The following OXSR1 variants were observed in gnomAD, a reference collection of about 807,000 sequenced individuals.
The protein encoded by OXSR1 is serine/threonine-protein kinase OSR1.
Under a neutral mutation model 79.8 loss-of-function variants are expected in OXSR1, and 24 were observed. The observed-to-expected ratio is 0.30, with a 90% CI of 0.22 to 0.42. The LOEUF (loss-of-function observed/expected upper bound fraction) is 0.42. Among genes scored for constraint, OXSR1 ranks in the 10% least tolerant of loss-of-function variants. The pLI, the probability that OXSR1 is intolerant of heterozygous loss-of-function variation, is 1.00. For synonymous variants in OXSR1, 226 were observed against 209.2 expected (o/e 1.08, Z -0.69); for missense variants, 430 against 618.4 (o/e 0.70, Z 3.23).
At position 38,221,652 on chromosome 3, in the gene OXSR1, AC is replaced by A. The variant is rs760873558; in HGVS notation, c.569del (p.Pro190LeufsTer44). On this transcript the variant is annotated frameshift_variant, in exon 6 of 18. Transcript: ENST00000311806. LOFTEE classifies it high-confidence loss of function. ...RNKVRKTFVGTPCWMAPEVME... is the reference protein window; with the variant it reads ...RNKVRKTFVGXPCWMAPEVME... ...TAAAGTGAGAAAGACCTTTGTTGGC[AC>A]CCCTTGTTGGATGGCACCTGAAGTT... 1 of 1,612,512 alleles carries A rather than the reference AC, an allele frequency of 6.2e-7. No individual in the cohort carries two copies. Among genetic ancestry groups the A allele is most frequent in the Non-Finnish European group, 8.5e-7 (1 of 1,178,850 alleles).
At chr3:38,192,105 G>A (rs1174036423) in intron 3 of OXSR1, among the ~76,000 whole-genome samples, 1 of 151,946 alleles carries the variant, frequency 6.6e-6, no homozygotes, top group Non-Finnish European at 1.5e-5. Context: ...AGTTGGGTAG[G>A]GCCTTCACTT....
At chr3:38,169,015 C>T (rs993471790) in intron 1 of OXSR1, among the ~76,000 whole-genome samples, 3 of 152,226 alleles carry the variant, frequency 2.0e-5, no homozygotes, top group Non-Finnish European at 4.4e-5. Context: ...ACAAATTCAA[C>T]TGTTTAAGAA....
intron 1 of OXSR1, among the ~76,000 whole-genome samples, chr3:38,169,609 GT>G (rs1007606807): frequency 5.7e-5 from 8 of 140,912 alleles, no homozygotes; most frequent in South Asian, 2.3e-4. Flanking sequence ...CTGGCTGTTC[GT>G]TTTTTTTTTG....
intron 5 of OXSR1, among the ~76,000 whole-genome samples, chr3:38,219,804 GA>G (rs1702553412): frequency 2.6e-5 from 4 of 151,662 alleles, no homozygotes; most frequent in African/African-American, 7.3e-5. Context: ...TGATGATGAT[GA>G]TGATGATGAT....
At position 38,211,215 on chromosome 3, in the gene OXSR1, C is replaced by T. The variant is rs1575340655; in HGVS notation, c.435-4881C>T. On this transcript the variant is annotated intron_variant, in intron 4 of 17. Transcript: ENST00000311806. ...ACCTCACTTGGGCATTCTGTCTGGT[C>T]CTTCATATCAGCTAACCTGCAAATC... Among the ~76,000 whole-genome samples, 3 of 152,252 alleles carry T rather than the reference C, an allele frequency of 2.0e-5. No individual in the cohort carries two copies. In the East Asian group the frequency reaches 5.8e-4, roughly 29 times the overall value.
At chr3:38,184,334 A>G (rs1701839795) in intron 2 of OXSR1, among the ~76,000 whole-genome samples, 1 of 152,206 alleles carries the variant, frequency 6.6e-6, no homozygotes, top group Non-Finnish European at 1.5e-5. Context: ...ATCTTGAGCC[A>G]TCTTTGGTGA....
At chr3:38,203,413 CT>C (rs1702204887) in intron 4 of OXSR1, among the ~76,000 whole-genome samples, 1 of 152,144 alleles carries the variant, frequency 6.6e-6, no homozygotes, top group Admixed American at 6.5e-5. Flanking sequence ...TTCTCTTTAT[CT>C]CTTTGTCTTG....
chr3:38,239,983 A>G (rs568622743), intron 11 of OXSR1, among the ~76,000 whole-genome samples: 8 of 152,202 alleles, frequency 5.3e-5, no homozygotes, highest in Admixed American at 3.9e-4. Flanking sequence ...TTTGCTTCAT[A>G]TATTTTGTCT....
At chr3:38,232,157 G>T (rs538139613) in intron 10 of OXSR1, among the ~76,000 whole-genome samples, 2 of 152,052 alleles carry the variant, frequency 1.3e-5, no homozygotes, top group African/African-American at 4.8e-5. Flanking sequence ...GGTGACTCAC[G>T]CTTGTAATCC....
In OXSR1 at chr3:38,183,130, T is replaced by C. The variant is rs748446717; in HGVS notation, c.183+15T>C. 1.2e-5 allele frequency: 17 copies of C among 1,370,744 alleles called. No individual in the cohort carries two copies. The Admixed American group carries it at 2.6e-4, about 21-fold the overall frequency. The allele number at this position is 1,370,744 out of a possible 1,614,324, so 84.9% of individuals were successfully genotyped here. On this transcript the variant is annotated intron_variant, in intron 2 of 17. Coordinates refer to ENST00000311806, the MANE Select transcript of OXSR1 (RefSeq NM_005109.3). ...ATGAACTCCTGGTATGCACATCTTATACTTCTGAAATGGAGAGATATACTC... is the reference window on the plus strand; with the variant it reads ...ATGAACTCCTGGTATGCACATCTTACACTTCTGAAATGGAGAGATATACTC...
Position 38,252,521 on chromosome 3 carries a change from C to T in OXSR1, c.1509+129C>T, listed in dbSNP as rs141815924. On this transcript the variant is annotated intron_variant, in intron 17 of 17. Transcript: ENST00000311806. The stretch of plus-strand genomic sequence containing the variant: ...GGTGGATTGTGTTCATTTAGCCTCC[C>T]CAGTGCCCTGGGCTGATGTTTCCCT... 280 of 760,494 alleles carry T rather than the reference C, an allele frequency of 3.7e-4. No homozygotes were observed. The African/African-American group carries it at 4.3e-3, about 12-fold the overall frequency. The allele number at this position is 760,494 out of a possible 1,614,324, so 47.1% of individuals were successfully genotyped here.
At position 38,165,933 on chromosome 3, in the gene OXSR1, G is replaced by A; in HGVS notation, c.57G>A (p.Leu19=). The A allele has an allele frequency of 6.2e-7, 1 of 1,611,542 alleles. No homozygotes were observed. Among genetic ancestry groups the A allele is most frequent in the South Asian group, 1.1e-5 (1 of 90,912 alleles). The part of the protein sequence containing the change: ...PWSINRDDYE[L]QEVIGSGATA... ...CCATCAACAGGGACGATTACGAGCT[G>A]CAGGAGGTGATCGGTGAGAGCAGGC... The change falls in exon 1 of 18, where the codon CTG becomes CTA. Residue 19 remains leucine, a synonymous_variant. Transcript: ENST00000311806.
intron 1 of OXSR1, among the ~76,000 whole-genome samples, chr3:38,168,405 G>T (rs13318848): frequency 0.052 from 7,919 of 151,974 alleles, 305 homozygotes; most frequent in Non-Finnish European, 0.075. Context: ...TTGTCTCTAT[G>T]GACTTGCCTT....
At chr3:38,207,951 CCTTCCTTCCTTT>C (rs1192306171) in intron 4 of OXSR1, among the ~76,000 whole-genome samples, 32 of 135,486 alleles carry the variant, frequency 2.4e-4, no homozygotes, top group Admixed American at 4.1e-4. Context: ...TTCCTTCCTT[CCTTCCTTCCTTT>C]CTTCCTTCCA....
At chr3:38,208,248 G>A (rs1008839748) in intron 4 of OXSR1, among the ~76,000 whole-genome samples, 2 of 152,032 alleles carry the variant, frequency 1.3e-5, no homozygotes, top group South Asian at 4.2e-4. Context: ...CCAGGTATAG[G>A]AACAATTGAT....
At chr3:38,178,978 C>T (rs1701729971) in intron 1 of OXSR1, among the ~76,000 whole-genome samples, 1 of 151,396 alleles carries the variant, frequency 6.6e-6, no homozygotes, top group Admixed American at 6.6e-5. Flanking sequence ...ATCCTCCCCA[C>T]CTCAGGCTCT....
intron 3 of OXSR1, among the ~76,000 whole-genome samples, 186 bp downstream of exon 3, chr3:38,191,025 T>C (rs936793686): frequency 4.6e-5 from 7 of 152,256 alleles, no homozygotes; most frequent in African/African-American, 9.6e-5. Context: ...TTTGATTCAT[T>C]TTGTTGTCAT....
intron 4 of OXSR1, among the ~76,000 whole-genome samples, chr3:38,215,807 T>C (rs922783540): frequency 2.6e-5 from 4 of 152,154 alleles, no homozygotes; most frequent in African/African-American, 9.7e-5. Flanking sequence ...TTTCAAAATG[T>C]AGAATTAGGT....
At chr3:38,201,659 G>A (rs1277512468) in intron 4 of OXSR1, among the ~76,000 whole-genome samples, 1 of 152,014 alleles carries the variant, frequency 6.6e-6, no homozygotes, top group East Asian at 1.9e-4. Context: ...GTGGTGAGCC[G>A]AGATTGCGCC....
Sources: gnomAD v4.1 joint callset for allele counts (sites outside exome capture counted in the v4.1 genomes callset) on GRCh38, gnomAD v4.1.1 for gene constraint, MANE v1.5 for transcripts, NCBI Gene and HGNC (gene_info 2026-07-23, HGNC 2026-07-21) for gene names.